The following UBE3A variants were observed in gnomAD, a reference collection of about 807,000 sequenced individuals.
The protein encoded by UBE3A is ubiquitin-protein ligase E3A.
UBE3A carries 6 observed loss-of-function variants against 83.4 expected under a neutral mutation model. The ratio of observed to expected loss-of-function variants is 0.07; its 90% CI spans 0.04 to 0.14. The LOEUF is 0.14. UBE3A is among the 10% of genes least tolerant of loss of function. The pLI is 1.00. For synonymous variants in UBE3A, 337 were observed against 355.4 expected, an observed-to-expected ratio of 0.95 and a Z score of 0.58; for missense variants, 456 against 1,036.1, an observed-to-expected ratio of 0.44 and a Z score of 7.69.
At chr15:25,348,934 T>C (rs1469753368) in intron 11 of UBE3A, among the ~76,000 whole-genome samples, 2 of 152,240 alleles carry the variant, frequency 1.3e-5, no homozygotes, top group Non-Finnish European at 2.9e-5. Context: ...CTGCAGGCTT[T>C]GCCCTTTTGT....
At chr15:25,386,838 G>A (rs2083247992) in intron 4 of UBE3A, among the ~76,000 whole-genome samples, 2 of 152,050 alleles carry the variant, frequency 1.3e-5, no homozygotes, top group African/African-American at 4.8e-5. Context: ...ACTCTACCTT[G>A]TGAGATTATT....
At chr15:25,340,303 G>A in intron 11 of UBE3A, 75 bp from the exon 12 acceptor site, 1 of 1,496,732 alleles carries the variant, frequency 6.7e-7, no homozygotes, top group South Asian at 1.1e-5. Context: ...CTTATGATTT[G>A]CATTAAAACT....
intron 1 of UBE3A, among the ~76,000 whole-genome samples, chr15:25,412,808 CT>C (rs1016878723): frequency 2.6e-5 from 4 of 151,972 alleles, no homozygotes; most frequent in African/African-American, 9.7e-5. Flanking sequence ...AATTAACCAA[CT>C]TTTAAGGTTT....
intron 11 of UBE3A, among the ~76,000 whole-genome samples, chr15:25,353,685 C>T (rs146704831): frequency 1.8e-4 from 27 of 152,270 alleles, no homozygotes; most frequent in African/African-American, 5.3e-4. Context: ...CAGGAAGGTA[C>T]GTGTTTGCAT....
intron 4 of UBE3A, among the ~76,000 whole-genome samples, chr15:25,384,205 AC>A (rs897727562): frequency 1.3e-5 from 2 of 152,154 alleles, no homozygotes; most frequent in Admixed American, 6.5e-5. Context: ...CACGCCTGTA[AC>A]CCCAGCAGTT....
At chr15:25,401,785 A>C (rs1567081702) in intron 4 of UBE3A, among the ~76,000 whole-genome samples, 1 of 152,050 alleles carries the variant, frequency 6.6e-6, no homozygotes, top group Non-Finnish European at 1.5e-5. Flanking sequence ...GTCTAGCCAA[A>C]TAACCTGTCT....
In UBE3A at chr15:25,336,576, C is replaced by G. The variant is rs1013390608; in HGVS notation, c.*2561G>C. ...ATATGTATCTATCTATCTATCATCT[C>G]CCTATACAAGCAAGCATCCCCAAAA... On this transcript the variant is annotated 3_prime_UTR_variant, in exon 13 of 13. Transcript: ENST00000648336. 6.6e-6 allele frequency: 1 copy of G among 150,534 alleles called. No individual in the cohort carries two copies. The highest frequency in any genetic ancestry group is 1.5e-5 in the Non-Finnish European group (1 of 67,694). 9.3% of individuals were successfully genotyped at this position (150,534 alleles called of 1,614,324 possible).
rs1012055612 is a variant in UBE3A at position 25,370,469 on chromosome 15, T to C, written c.1608+97A>G. Reference sequence around the variant, plus strand: ...GAAATGTCCATGTGTTCCTATGCTATATGGTATCATTTTTTTCAGTCACTT... The same window carrying C: ...GAAATGTCCATGTGTTCCTATGCTACATGGTATCATTTTTTTCAGTCACTT... On this transcript the variant is annotated intron_variant, in intron 6 of 12. Coordinates refer to ENST00000648336, the MANE Select transcript of UBE3A (RefSeq NM_130839.5). The surrounding 1 kb of genome is among the most constrained non-coding windows in gnomAD (Gnocchi z 4.2). 43 of 1,403,192 alleles carry C rather than the reference T, an allele frequency of 3.1e-5. No homozygotes were observed. Among genetic ancestry groups the C allele is most frequent in the Non-Finnish European group, 3.9e-5 (39 of 988,606 alleles). The allele number at this position is 1,403,192 out of a possible 1,614,324, so 86.9% of individuals were successfully genotyped here. A position where few individuals can be genotyped will look rare whatever the true frequency, so the allele number is the denominator to read the frequency against.
intron 1 of UBE3A, among the ~76,000 whole-genome samples, chr15:25,437,420 A>G (rs943027094): frequency 2.0e-5 from 3 of 152,182 alleles, no homozygotes; most frequent in African/African-American, 7.2e-5. Flanking sequence ...GTAACTTTCA[A>G]CAGTTGTATT....
In UBE3A at chr15:25,373,141, A is replaced by C. The variant is rs142603974; in HGVS notation, c.362-1329T>G. Among the ~76,000 whole-genome samples the C allele has an allele frequency of 6.5e-3, 997 of 152,318 alleles. 8 individuals are homozygous for C. Among genetic ancestry groups the C allele is most frequent in the African/African-American group, 0.023 (960 of 41,564 alleles). On this transcript the variant is annotated intron_variant, in intron 5 of 12. Coordinates refer to ENST00000648336, the MANE Select transcript of UBE3A (RefSeq NM_130839.5). The stretch of plus-strand genomic sequence containing the variant: ...GCTAAACATCAGTAACCTCTTCCCC[A>C]AAAGCATAAAACCACTGGAAACCTA...
intron 3 of UBE3A, chr15:25,407,138 C>T (rs777914428): frequency 3.7e-6 from 5 of 1,350,030 alleles, no homozygotes; most frequent in Non-Finnish European, 4.9e-6. Flanking sequence ...GACAGAAGAG[C>T]TAAAAATTGA....
chr15:25,411,090 TC>T (rs1420611679), intron 2 of UBE3A, among the ~76,000 whole-genome samples: 12 of 152,342 alleles, frequency 7.9e-5, no homozygotes, highest in African/African-American at 2.4e-4. Flanking sequence ...TTTTATGAGA[TC>T]CGGTGCTCAA....
intron 6 of UBE3A, among the ~76,000 whole-genome samples, chr15:25,368,167 C>T (rs777747538): frequency 6.6e-6 from 1 of 152,056 alleles, no homozygotes; most frequent in Non-Finnish European, 1.5e-5. Context: ...GAAATAAGAT[C>T]TTGAAAAATT....
At chr15:25,408,727 C>T (rs908622010) in intron 3 of UBE3A, 1 of 1,487,212 alleles carries the variant, frequency 6.7e-7, no homozygotes, top group Non-Finnish European at 9.1e-7. Context: ...GTTATAAAAA[C>T]TTCTAGAGAA....
At chr15:25,433,616 C>A (rs1050643651) in intron 1 of UBE3A, among the ~76,000 whole-genome samples, 1 of 152,196 alleles carries the variant, frequency 6.6e-6, no homozygotes, top group Admixed American at 6.5e-5. Flanking sequence ...ATAACCTGCT[C>A]ATGACCATTA....
At position 25,376,871 on chromosome 15, in the gene UBE3A, G is replaced by C. The variant is rs552769570; in HGVS notation, c.63-1108C>G. 1.1e-3 allele frequency among the ~76,000 whole-genome samples: 153 copies of C among 144,720 alleles called. 1 individual carries two copies. Among genetic ancestry groups the C allele is most frequent in the Non-Finnish European group, 2.0e-3 (132 of 66,436 alleles). The allele number at this position is 144,720 out of a possible 152,430, so 94.9% of individuals were successfully genotyped here. On this transcript the variant is annotated intron_variant, in intron 4 of 12. Coordinates refer to ENST00000648336, the MANE Select transcript of UBE3A (RefSeq NM_130839.5). ...TTCAGGAGAGCTACCAAAACTGAGG[G>C]AGGAATTATGTGACCATGTAAGAAG... is the stretch of plus-strand genomic sequence containing the variant.
chr15:25,432,332 G>C (rs1402371519), intron 1 of UBE3A, among the ~76,000 whole-genome samples: 2 of 152,060 alleles, frequency 1.3e-5, no homozygotes, highest in African/African-American at 2.4e-5. Flanking sequence ...TATGAGTTGG[G>C]GTGTTGGCTA....
chr15:25,409,145 A>G lies in UBE3A; in HGVS notation c.-38T>C, dbSNP rs764419235. The G allele has an allele frequency of 6.3e-6, 10 of 1,591,324 alleles. No individual in the cohort carries two copies. In the African/African-American group the frequency reaches 1.3e-4, roughly 21 times the overall value. Reference sequence around the variant, plus strand: ...GGGTGATCACAGCTTTGAGTCACTGATTAAAAACAGGTTGTCACACCAGTC... The same window carrying G: ...GGGTGATCACAGCTTTGAGTCACTGGTTAAAAACAGGTTGTCACACCAGTC... On this transcript the variant is annotated 5_prime_UTR_variant, in exon 3 of 13. Coordinates refer to ENST00000648336, the MANE Select transcript of UBE3A (RefSeq NM_130839.5).
At chr15:25,356,586 T>A (rs1455211053) in intron 8 of UBE3A, 105 bp downstream of exon 8, 1 of 1,119,708 alleles carries the variant, frequency 8.9e-7, no homozygotes, top group African/African-American at 1.6e-5. Flanking sequence ...GATAAGAGTA[T>A]CAACAAAGAT....
Sources: allele counts gnomAD v4.1 joint callset (sites outside exome capture counted in the v4.1 genomes callset), GRCh38; gene constraint gnomAD v4.1.1; non-coding constraint Gnocchi (gnomAD v3.1); transcripts MANE v1.5; gene names NCBI Gene and HGNC (gene_info 2026-07-23, HGNC 2026-07-21).